Variants in PCDHA12 observed in about 807,000 individuals in gnomAD.
The protein encoded by PCDHA12 is protocadherin alpha-12.
In PCDHA12, 44 loss-of-function variants were observed where a neutral mutation model predicts 60.0. The ratio of observed to expected loss-of-function variants is 0.73; its 90% CI spans 0.58 to 0.94. The LOEUF (loss-of-function observed/expected upper bound fraction) is 0.94, where lower values mean the gene tolerates loss of function less well. Among genes scored for constraint, PCDHA12 ranks in the 40% least tolerant of loss-of-function variants. The pLI is 0.00. For missense variants in PCDHA12, 1,276 were observed against 1,239.7 expected (o/e 1.03, Z -0.44); for synonymous variants, 569 against 553.0 (o/e 1.03, Z -0.40).
intron 3 of PCDHA12, among the ~76,000 whole-genome samples, chr5:141,009,295 A>AT (rs1258767808): frequency 6.6e-6 from 1 of 152,030 alleles, no homozygotes; most frequent in African/African-American, 2.4e-5. Flanking sequence ...TTTCTATAAA[A>AT]TTTTTTTTAA....
intron 1 of PCDHA12, among the ~76,000 whole-genome samples, chr5:140,941,192 TTTC>T (rs1447153939): frequency 7.0e-5 from 7 of 99,658 alleles, no homozygotes; most frequent in Admixed American, 1.0e-4. Flanking sequence ...CTTCTTTTTT[TTTC>T]TTTCTTCCTT....
intron 1 of PCDHA12, among the ~76,000 whole-genome samples, chr5:140,881,114 T>A (rs2058590741): frequency 6.6e-6 from 1 of 152,204 alleles, no homozygotes; most frequent in Admixed American, 6.5e-5. Context: ...GGCCTGGGAT[T>A]TTGTGGCTTG....
At position 141,011,314 on chromosome 5, in the gene PCDHA12, T is replaced by G. The variant is rs1269900647; in HGVS notation, c.*1377T>G. 2.0e-5 allele frequency: 3 copies of G among 153,782 alleles called. No homozygotes were observed. Among genetic ancestry groups the G allele is most frequent in the Non-Finnish European group, 4.4e-5 (3 of 68,040 alleles). 9.5% of individuals were successfully genotyped at this position (153,782 alleles called of 1,614,324 possible). On this transcript the variant is annotated 3_prime_UTR_variant, in exon 4 of 4. Coordinates refer to ENST00000398631, the MANE Select transcript of PCDHA12 (RefSeq NM_018903.4). ...CTATAACACTCTGAATTGCTAATCT[T>G]ACTAACACCTATGATGTTACCTGAA...
intron 3 of PCDHA12, among the ~76,000 whole-genome samples, chr5:140,985,728 C>G (rs2097165709): frequency 6.7e-6 from 1 of 148,846 alleles, no homozygotes; most frequent in Admixed American, 6.8e-5. Flanking sequence ...TTTTCCTTCA[C>G]TGATGAATTC....
intron 1 of PCDHA12, among the ~76,000 whole-genome samples, chr5:140,905,837 G>A (rs1433117944): frequency 1.3e-5 from 2 of 152,148 alleles, no homozygotes; most frequent in African/African-American, 2.4e-5. Context: ...ATAAAGGGGA[G>A]TTTATTAAGG....
intron 1 of PCDHA12, chr5:140,928,720 A>G (rs2085475122): frequency 6.2e-7 from 1 of 1,614,076 alleles, no homozygotes. Flanking sequence ...TAGTCTCTTT[A>G]GAATTTCAGC....
chr5:140,919,529 TC>T (rs2079177812), intron 1 of PCDHA12, among the ~76,000 whole-genome samples: 1 of 152,196 alleles, frequency 6.6e-6, no homozygotes. Context: ...TCTCTTTTTT[TC>T]CTATACTTTT....
intron 1 of PCDHA12, chr5:140,967,306 C>A (rs1554229415): frequency 1.2e-6 from 2 of 1,612,350 alleles, no homozygotes; most frequent in Non-Finnish European, 1.7e-6. Context: ...TGGGCGCCAA[C>A]TCAGTACAGA....
At chr5:141,004,857 A>C (rs987029522) in intron 3 of PCDHA12, among the ~76,000 whole-genome samples, 2 of 152,150 alleles carry the variant, frequency 1.3e-5, no homozygotes, top group African/African-American at 4.8e-5. Context: ...TCAGAGAAAA[A>C]ATTTGTTTCT....
chr5:140,952,822 G>A (rs1364476088), intron 1 of PCDHA12, among the ~76,000 whole-genome samples: 3 of 152,184 alleles, frequency 2.0e-5, no homozygotes, highest in Non-Finnish European at 4.4e-5. Context: ...TGTACAGGAA[G>A]CATGATGCTG....
intron 1 of PCDHA12, chr5:140,883,585 C>T (rs782326010): frequency 4.3e-6 from 7 of 1,613,932 alleles, no homozygotes; most frequent in East Asian, 4.5e-5. Flanking sequence ...GGGCCACGGC[C>T]AGCGTGTCGG....
chr5:140,883,402 C>T lies in PCDHA12; in HGVS notation c.2367+5563C>T. ...CCCTAATCAGTGTGTCCGATCGTGACTCTGGCTCAAATGGACAGGTCACCT... is the reference window on the plus strand; with the variant it reads ...CCCTAATCAGTGTGTCCGATCGTGATTCTGGCTCAAATGGACAGGTCACCT... On this transcript the variant is annotated intron_variant, in intron 1 of 3. Coordinates refer to ENST00000398631, the MANE Select transcript of PCDHA12 (RefSeq NM_018903.4). 4 of 1,614,192 alleles carry T rather than the reference C, an allele frequency of 2.5e-6. No individual in the cohort carries two copies. The South Asian group carries it at 3.3e-5, about 13-fold the overall frequency.
intron 1 of PCDHA12, among the ~76,000 whole-genome samples, chr5:140,881,010 T>C (rs782629592): frequency 5.3e-5 from 8 of 152,198 alleles, no homozygotes; most frequent in South Asian, 4.1e-4. Flanking sequence ...AGCAGAGCTA[T>C]GGAAATAAAC....
At chr5:140,969,388 A>C in intron 1 of PCDHA12, 2 of 1,595,066 alleles carry the variant, frequency 1.3e-6, no homozygotes, top group Non-Finnish European at 1.7e-6. Context: ...CACATCCCCC[A>C]ATATCCTGTG....
intron 1 of PCDHA12, among the ~76,000 whole-genome samples, chr5:140,889,031 A>C (rs1234867332): frequency 6.6e-6 from 1 of 152,012 alleles, no homozygotes; most frequent in African/African-American, 2.4e-5. Flanking sequence ...GGATAACCGT[A>C]ATTTGATTAT....
chr5:141,000,593 A>G (rs1021263998), intron 3 of PCDHA12, among the ~76,000 whole-genome samples: 3 of 150,498 alleles, frequency 2.0e-5, no homozygotes, highest in African/African-American at 4.9e-5. Flanking sequence ...ATGCCCAGCT[A>G]ATTTTTGTAT....
At chr5:140,877,925 T>C in intron 1 of PCDHA12, 86 bp downstream of exon 1, 1 of 1,421,700 alleles carries the variant, frequency 7.0e-7, no homozygotes, top group Non-Finnish European at 9.2e-7. Flanking sequence ...TTTTTCTTTA[T>C]GATTCTATCC....
chr5:140,941,475 C>T (rs1554214513), intron 1 of PCDHA12, among the ~76,000 whole-genome samples: 1 of 151,578 alleles, frequency 6.6e-6, no homozygotes, highest in Non-Finnish European at 1.5e-5. Context: ...ACCACCACGC[C>T]TGGCTAATTT....
chr5:140,929,715 T>A, intron 1 of PCDHA12: 1 of 230,486 alleles, frequency 4.3e-6, no homozygotes, highest in East Asian at 9.8e-5. Flanking sequence ...ATATGGAAGG[T>A]GAAACATTTA....
Sources: gnomAD v4.1 joint callset for allele counts (sites outside exome capture counted in the v4.1 genomes callset) on GRCh38, gnomAD v4.1.1 for gene constraint, MANE v1.5 for transcripts, NCBI Gene and HGNC (gene_info 2026-07-23, HGNC 2026-07-21) for gene names.